Variants in CEP164 observed in about 807,000 individuals in gnomAD.
CEP164 encodes the protein centrosomal protein of 164 kDa.
CEP164 carries 162 observed loss-of-function variants against 182.7 expected under a neutral mutation model. That is an observed-to-expected ratio of 0.89 (90% CI 0.78 to 1.01). The LOEUF is 1.01. CEP164 is among the 50% of genes least tolerant of loss of function. CEP164 has a pLI of 0.00. For missense variants in CEP164, 1,735 were observed against 1,790.4 expected, an observed-to-expected ratio of 0.97 and a Z score of 0.56; for synonymous variants, 661 against 690.0, an observed-to-expected ratio of 0.96 and a Z score of 0.66.
chr11:117,400,102 A>C (rs1243337), intron 27 of CEP164, among the ~76,000 whole-genome samples: 49,569 of 151,952 alleles, frequency 0.33, 8,254 homozygotes, highest in Middle Eastern at 0.38. Context: ...TTCCTTCTAG[A>C]GTTTTTATGG....
In CEP164 at chr11:117,397,117, T is replaced by A; in HGVS notation, c.3305T>A (p.Leu1102His). Residue 1102 changes from leucine (L) to histidine (H), a missense_variant, in exon 27 of 33, where the codon CTC (leucine) becomes CAC (histidine). Leu to His is a moderately conservative substitution (Grantham distance 99). Transcript: ENST00000278935. ...DSLSSHNVWH[L>H]LSAEGVALRS... is the part of the protein sequence containing the mutation. ...CTGTCCTCCCACAATGTCTGGCACC[T>A]CCTCTCTGCTGAGGGGGTAGCCCTC... 1 of 1,614,132 alleles carries A rather than the reference T, an allele frequency of 6.2e-7. No homozygotes were observed. The highest frequency in any genetic ancestry group is 8.5e-7 in the Non-Finnish European group (1 of 1,179,992).
intron 27 of CEP164, among the ~76,000 whole-genome samples, chr11:117,401,531 G>T (rs186654429): frequency 1.9e-3 from 290 of 152,240 alleles, no homozygotes; most frequent in African/African-American, 6.7e-3. Context: ...CTATTGTTTG[G>T]AGTAGTTTCA....
chr11:117,338,545 G>A (rs773148611), intron 2 of CEP164, 21 bp from the exon 3 acceptor site: 1 of 1,556,424 alleles, frequency 6.4e-7, no homozygotes, highest in South Asian at 1.1e-5. Context: ...TTCTCTTTTG[G>A]TGGGGGCCTC....
At chr11:117,356,427 C>T (rs1461544659) in intron 5 of CEP164, 12 of 1,240,358 alleles carry the variant, frequency 9.7e-6, no homozygotes, top group South Asian at 2.8e-5. Flanking sequence ...GAGAGGGACT[C>T]GAGGTTTCTG....
At chr11:117,365,166 T>C (rs2041476973) in intron 8 of CEP164, among the ~76,000 whole-genome samples, 1 of 152,214 alleles carries the variant, frequency 6.6e-6, no homozygotes, top group Non-Finnish European at 1.5e-5. Context: ...TATTTGCTTG[T>C]GGAGGAAGAA....
intron 27 of CEP164, among the ~76,000 whole-genome samples, chr11:117,406,936 A>AC (rs1270656461): frequency 4.6e-5 from 7 of 152,146 alleles, no homozygotes; most frequent in Admixed American, 4.6e-4. Context: ...TCTACTAAAA[A>AC]TTAAAAAATT....
Position 117,409,255 on chromosome 11 carries a change from A to T in CEP164, c.3748+227A>T. ...CCCTCTGAATGCTGCAGAGCACTCTACGGTGTGACCACTGGCCTTGCTGGC... is the reference window on the plus strand; with the variant it reads ...CCCTCTGAATGCTGCAGAGCACTCTTCGGTGTGACCACTGGCCTTGCTGGC... On this transcript the variant is annotated intron_variant, in intron 29 of 32. Coordinates refer to ENST00000278935, the MANE Select transcript of CEP164 (RefSeq NM_014956.5). The surrounding 1 kb of genome is among the most constrained non-coding windows in gnomAD (Gnocchi z 4.4). 1.6e-6 allele frequency: 1 copy of T among 620,644 alleles called. No homozygotes were observed. The highest frequency in any genetic ancestry group is 2.8e-6 in the Non-Finnish European group (1 of 358,960). The allele number at this position is 620,644 out of a possible 1,614,324, so 38.4% of individuals were successfully genotyped here. A position where few individuals can be genotyped will look rare whatever the true frequency, so the allele number is the denominator to read the frequency against.
rs1196183243 is a variant in CEP164 at position 117,361,150 on chromosome 11, G to A, written c.394-685G>A. Among the ~76,000 whole-genome samples, 6 of 149,390 alleles carry A rather than the reference G, an allele frequency of 4.0e-5. No homozygotes were observed. The East Asian group carries it at 1.2e-3, about 30-fold the overall frequency. On this transcript the variant is annotated intron_variant, in intron 5 of 32. Coordinates refer to ENST00000278935, the MANE Select transcript of CEP164 (RefSeq NM_014956.5). ...GGGTTTCACCATGTTGGCCAGGCTG[G>A]TCTTGAACTCCTGATCTCAGGTGAT...
chr11:117,356,583 C>T, intron 5 of CEP164: 1 of 1,288,164 alleles, frequency 7.8e-7, no homozygotes, highest in South Asian at 1.2e-5. Context: ...AGAGGGCTTA[C>T]TACAGAGCCA....
chr11:117,407,279 C>T (rs2136847026), intron 27 of CEP164, among the ~76,000 whole-genome samples: 1 of 151,864 alleles, frequency 6.6e-6, no homozygotes, highest in African/African-American at 2.4e-5. Context: ...TGCTTAACCC[C>T]TCTCAACCAT....
chr11:117,395,691 G>T lies in CEP164; in HGVS notation c.3058G>T (p.Ala1020Ser). 1.2e-6 allele frequency: 2 copies of T among 1,612,710 alleles called. No individual in the cohort carries two copies. The highest frequency in any genetic ancestry group is 3.3e-5 in the Admixed American group (2 of 59,954). The change falls in exon 24 of 33, where the codon GCT (alanine) becomes TCT (serine). Residue 1020 changes from alanine (A) to serine (S), a missense_variant. Coordinates refer to ENST00000278935, the MANE Select transcript of CEP164 (RefSeq NM_014956.5). ...GGAGTCCCAAGTGGATCTGCTGCAG[G>T]CTCAGAGCCAGCAACTGCAGAAACA... is the stretch of plus-strand genomic sequence containing the variant. ...KLESQVDLLQ[A>S]QSQQLQKHFS...
rs2047135589 is a variant in CEP164, at chr11:117,409,873, C to T, written c.4004C>T (p.Ala1335Val). ...GCTACACCCACGTCCACCCAATGGGCCTGGGATTCAGGGCAGGGGCCCAGG... is the reference window on the plus strand; with the variant it reads ...GCTACACCCACGTCCACCCAATGGGTCTGGGATTCAGGGCAGGGGCCCAGG... ...SSATPTSTQW[A>V]WDSGQGPRLP... The change falls in exon 30 of 33, where the codon GCC becomes GTC. Residue 1335 changes from alanine (A) to valine (V), a missense_variant. Physicochemically the swap from Ala to Val is moderately conservative, Grantham distance 64. Transcript: ENST00000278935. The surrounding 1 kb of genome is among the most constrained non-coding windows in gnomAD (Gnocchi z 4.4). 6.2e-7 allele frequency: 1 copy of T among 1,610,204 alleles called. No individual in the cohort carries two copies. Among genetic ancestry groups the T allele is most frequent in the Non-Finnish European group, 8.5e-7 (1 of 1,179,702 alleles).
intron 19 of CEP164, 130 bp from the exon 20 acceptor site, chr11:117,392,874 G>A: frequency 7.1e-7 from 1 of 1,405,562 alleles, no homozygotes; most frequent in Non-Finnish European, 9.8e-7. Context: ...TGTCATGGCT[G>A]TGTGATGTGC....
chr11:117,377,049 C>T (rs2042816989), intron 11 of CEP164, among the ~76,000 whole-genome samples: 1 of 152,160 alleles, frequency 6.6e-6, no homozygotes, highest in South Asian at 2.1e-4. Flanking sequence ...TGCTGTAACG[C>T]AGTAGCAGGA....
At chr11:117,326,770 T>C (rs1418779430), upstream of CEP164, among the ~76,000 whole-genome samples, 1 of 152,192 alleles carries the variant, frequency 6.6e-6, no homozygotes, top group African/African-American at 2.4e-5. Context: ...CTATCCTGAG[T>C]CAGCTACATC....
intron 11 of CEP164, among the ~76,000 whole-genome samples, chr11:117,377,009 G>A (rs576042143): frequency 1.3e-5 from 2 of 152,130 alleles, no homozygotes; most frequent in African/African-American, 2.4e-5. Context: ...ACCTGATGTG[G>A]CCAGCAGCCT....
At chr11:117,348,786 A>G (rs573926375) in intron 4 of CEP164, among the ~76,000 whole-genome samples, 3 of 152,148 alleles carry the variant, frequency 2.0e-5, no homozygotes, top group Non-Finnish European at 2.9e-5. Flanking sequence ...ATTAAATATT[A>G]ATTCCCCATT....
intron 3 of CEP164, among the ~76,000 whole-genome samples, chr11:117,340,016 TG>T (rs1478082380): frequency 6.6e-6 from 1 of 152,020 alleles, no homozygotes; most frequent in Non-Finnish European, 1.5e-5. Context: ...CTTTGTTCTT[TG>T]TTTTTTTTTG....
intron 8 of CEP164, among the ~76,000 whole-genome samples, chr11:117,367,484 G>T (rs2041771255): frequency 6.6e-6 from 1 of 152,126 alleles, no homozygotes; most frequent in East Asian, 1.9e-4. Flanking sequence ...TTGCAATTTG[G>T]CTATATTCTC....
Sources: allele counts gnomAD v4.1 joint callset (sites outside exome capture counted in the v4.1 genomes callset), GRCh38; gene constraint gnomAD v4.1.1; non-coding constraint Gnocchi (gnomAD v3.1); transcripts MANE v1.5; gene names NCBI Gene and HGNC (gene_info 2026-07-23, HGNC 2026-07-21).